ANXA4: variants seen among roughly 807,000 people sequenced by gnomAD.
The protein encoded by ANXA4 is annexin A4, also known as 35-beta calcimedin.
ANXA4 carries 39 observed loss-of-function variants against 49.8 expected under a neutral mutation model. The ratio of observed to expected loss-of-function variants is 0.78; its 90% CI spans 0.61 to 1.02. The LOEUF is 1.02. Ranked by LOEUF, ANXA4 falls within the 50% of genes least tolerant of loss-of-function variation. The probability of loss-of-function intolerance (pLI) is 0.00; values close to 1 mark genes in which losing one functional copy is unlikely to be tolerated. For missense variants in ANXA4, 360 were observed against 410.1 expected (o/e 0.88, Z 1.05); for synonymous variants, 134 against 152.5 (o/e 0.88, Z 0.89).
intron 3 of ANXA4, among the ~76,000 whole-genome samples, chr2:69,797,427 GTAAT>G (rs1672991352): frequency 6.6e-6 from 1 of 152,138 alleles, no homozygotes; most frequent in Admixed American, 6.5e-5. Context: ...TAATAATTGG[GTAAT>G]TACTCTCTGA....
chr2:69,670,393 T>G, intron 2 of ANXA4, among the ~76,000 whole-genome samples: 1 of 135,232 alleles, frequency 7.4e-6, no homozygotes. Context: ...TGAGCTGAGA[T>G]CGCACCACTG....
Position 69,804,646 on chromosome 2 carries a change from T to G in ANXA4, c.192+19T>G. 6.3e-7 allele frequency: 1 copy of G among 1,598,114 alleles called. No individual in the cohort carries two copies. Among genetic ancestry groups the G allele is most frequent in the Middle Eastern group, 1.7e-4 (1 of 6,044 alleles). ...CGGCAGGGTAGGCCACAGTCTTTCC[T>G]GCTCTGTCTGGCTGACTTCGCAGCA... is the stretch of plus-strand genomic sequence containing the variant. On this transcript the variant is annotated intron_variant, in intron 4 of 12. Coordinates refer to ENST00000394295, the MANE Select transcript of ANXA4 (RefSeq NM_001153.5).
At chr2:69,805,043 T>G (rs1673380942) in intron 4 of ANXA4, among the ~76,000 whole-genome samples, 2 of 30,654 alleles carry the variant, frequency 6.5e-5, no homozygotes, top group African/African-American at 2.1e-4. Flanking sequence ...ACAGACTCCA[T>G]CTCAAAAAAA....
intron 2 of ANXA4, among the ~76,000 whole-genome samples, chr2:69,654,744 G>C (rs1331312354): frequency 6.6e-6 from 1 of 152,148 alleles, no homozygotes; most frequent in Non-Finnish European, 1.5e-5. Flanking sequence ...AAAGAACAAA[G>C]CTGGAGGCAT....
At chr2:69,660,369 A>C (rs866968840) in intron 2 of ANXA4, among the ~76,000 whole-genome samples, 1 of 152,184 alleles carries the variant, frequency 6.6e-6, no homozygotes, top group Non-Finnish European at 1.5e-5. Context: ...GGTCACATGA[A>C]GGTCTCATAG....
At chr2:69,771,882 T>A (rs371335466) in intron 1 of ANXA4, among the ~76,000 whole-genome samples, 1 of 152,356 alleles carries the variant, frequency 6.6e-6, no homozygotes, top group South Asian at 2.1e-4. Context: ...ATTTACAACT[T>A]ATTTTTCCCT....
At chr2:69,816,226 G>A (rs542131215) in intron 9 of ANXA4, 32 bp downstream of exon 9, 3 of 1,594,076 alleles carry the variant, frequency 1.9e-6, no homozygotes, top group South Asian at 1.1e-5. Context: ...CCAAAGAAAA[G>A]GAGTGAAAGA....
intron 1 of ANXA4, among the ~76,000 whole-genome samples, chr2:69,770,695 A>G (rs990780566): frequency 5.9e-5 from 9 of 152,300 alleles, no homozygotes; most frequent in South Asian, 2.1e-4. Context: ...GAGGATTCCT[A>G]TTCACCAGGC....
intron 2 of ANXA4, among the ~76,000 whole-genome samples, chr2:69,689,521 A>C (rs1016709036): frequency 2.6e-5 from 4 of 152,166 alleles, no homozygotes; most frequent in African/African-American, 9.7e-5. Context: ...TTATTTCACA[A>C]AAAAAATGCA....
In ANXA4 at chr2:69,703,021, G is replaced by A. The variant is rs73935628; in HGVS notation, n.767-17753G>A. Among the ~76,000 whole-genome samples, 1,395 of 152,022 alleles carry A rather than the reference G, an allele frequency of 9.2e-3. 24 individuals carry two copies. The highest frequency in any genetic ancestry group is 0.076 in the East Asian group (390 of 5,162). ...ATTAAATTCAAAATTATTGTCCAGC[G>A]CATGCAAAGTTCTTAAGTTCTGGAA... On this transcript the variant is annotated intron_variant and non_coding_transcript_variant, in intron 2 of 3. Transcript: ENST00000418066.
rs555597521 is a variant in ANXA4 at position 69,760,959 on chromosome 2, C to G, written c.-47+18784C>G. Among the ~76,000 whole-genome samples the G allele has an allele frequency of 9.2e-5, 14 of 151,820 alleles. No individual in the cohort carries two copies. The South Asian group carries it at 2.1e-3, about 23-fold the overall frequency. On this transcript the variant is annotated intron_variant, in intron 1 of 12. Transcript: ENST00000394295. ...GGAGGATAGCTTGAGCTCAGGAGTT[C>G]AAGGTCAGCCTGGGCAACATAGTGA... is the stretch of plus-strand genomic sequence containing the variant.
intron 3 of ANXA4, among the ~76,000 whole-genome samples, chr2:69,721,302 C>T (rs183237807): frequency 6.6e-6 from 1 of 152,358 alleles, no homozygotes; most frequent in Admixed American, 6.5e-5. Flanking sequence ...AAAAGCTAGA[C>T]TCTACAGGGT....
At chr2:69,691,575 A>ATG (rs1375910583) in intron 2 of ANXA4, among the ~76,000 whole-genome samples, 57 of 734 alleles carry the variant, frequency 0.078, no homozygotes, top group South Asian at 0.44. Flanking sequence ...ACACACATGC[A>ATG]CACACACACA....
chr2:69,653,112 C>G (rs1676313392), exon 2 of ANXA4: 1 of 152,178 alleles, frequency 6.6e-6, no homozygotes, highest in Non-Finnish European at 1.5e-5. Context: ...GGAGCCAAAT[C>G]TGGAACTCTG....
At chr2:69,819,522 G>T (rs1433946575) in intron 11 of ANXA4, among the ~76,000 whole-genome samples, 184 bp downstream of exon 11, 1 of 152,116 alleles carries the variant, frequency 6.6e-6, no homozygotes, top group African/African-American at 2.4e-5. Context: ...AGGATGTATG[G>T]ATCACTGTTT....
At chr2:69,756,874 G>A (rs1288691121) in intron 1 of ANXA4, among the ~76,000 whole-genome samples, 5 of 149,896 alleles carry the variant, frequency 3.3e-5, no homozygotes, top group Admixed American at 6.6e-5. Context: ...AAGAATACAA[G>A]TTTTAAAAAA....
chr2:69,676,775 C>T (rs1022585348), intron 2 of ANXA4, among the ~76,000 whole-genome samples: 1 of 152,130 alleles, frequency 6.6e-6, no homozygotes, highest in African/African-American at 2.4e-5. Context: ...TGCCTGTAGT[C>T]CCAGCTACTA....
intron 3 of ANXA4, among the ~76,000 whole-genome samples, chr2:69,735,948 C>T (rs756080543): frequency 6.6e-6 from 1 of 152,146 alleles, no homozygotes; most frequent in Non-Finnish European, 1.5e-5. Flanking sequence ...GGGCATGAAA[C>T]AGCCAAAGCT....
At chr2:69,809,125 G>C (rs1256945384) in intron 6 of ANXA4, 1 of 152,146 alleles carries the variant, frequency 6.6e-6, no homozygotes, top group African/African-American at 2.4e-5. Flanking sequence ...GGGAAAATGA[G>C]GAAGGATATT....
Sources: allele counts gnomAD v4.1 joint callset (sites outside exome capture counted in the v4.1 genomes callset), GRCh38; gene constraint gnomAD v4.1.1; transcripts MANE v1.5; gene names NCBI Gene and HGNC (gene_info 2026-07-23, HGNC 2026-07-21).